SSX2IP: variants seen among roughly 807,000 people sequenced by gnomAD.
SSX2IP encodes afadin- and alpha-actinin-binding protein.
A neutral mutation model predicts 84.9 loss-of-function variants in SSX2IP; 55 were observed. That is an observed-to-expected ratio of 0.65 (90% CI 0.52 to 0.81). The LOEUF (loss-of-function observed/expected upper bound fraction) is 0.81. Ranked by LOEUF, SSX2IP falls within the 30% of genes least tolerant of loss-of-function variation. The pLI is 0.00. For synonymous variants in SSX2IP, 239 were observed against 234.7 expected (o/e 1.02, Z -0.17); for missense variants, 664 against 705.2 (o/e 0.94, Z 0.66).
In SSX2IP at chr1:84,649,926, C is replaced by T. The variant is rs1001676471; in HGVS notation, c.1670+436G>A. 3 of 539,682 alleles carry T rather than the reference C, an allele frequency of 5.6e-6. No individual in the cohort carries two copies. In the African/African-American group the frequency reaches 5.7e-5, roughly 10 times the overall value. The allele number at this position is 539,682 out of a possible 1,614,324, so 33.4% of individuals were successfully genotyped here. On this transcript the variant is annotated intron_variant, in intron 13 of 13. Coordinates refer to ENST00000342203, the MANE Select transcript of SSX2IP (RefSeq NM_001166293.2). ...ACAAATCTTTTTCACTCAACAGGAA[C>T]AGGCTTTTCTCAGTTCTTTGCCCTT...
At chr1:84,655,344 A>AC (rs2102235947) in intron 11 of SSX2IP, 1 of 1,098,802 alleles carries the variant, frequency 9.1e-7, no homozygotes, top group East Asian at 7.2e-5. Flanking sequence ...CATTACTGCT[A>AC]CAATTTTTGA....
intron 1 of SSX2IP, among the ~76,000 whole-genome samples, chr1:84,683,921 T>C (rs931978445): frequency 6.6e-6 from 1 of 152,134 alleles, no homozygotes; most frequent in African/African-American, 2.4e-5. Flanking sequence ...TAGAAGATTA[T>C]TAAGAAACAA....
At chr1:84,675,872 C>A (rs372879783) in intron 1 of SSX2IP, among the ~76,000 whole-genome samples, 110 of 152,256 alleles carry the variant, frequency 7.2e-4, no homozygotes, top group African/African-American at 2.5e-3. Context: ...GAAGCCCCTG[C>A]CCCCCTTTCC....
Position 84,647,503 on chromosome 1 carries a change from T to C in SSX2IP, c.1775A>G (p.Gln592Arg). 1 of 1,613,350 alleles carries C rather than the reference T, an allele frequency of 6.2e-7. No homozygotes were observed. The highest frequency in any genetic ancestry group is 8.5e-7 in the Non-Finnish European group (1 of 1,179,546). The change falls in exon 14 of 14, where the codon CAG (glutamine) becomes CGG (arginine). Residue 592 changes from glutamine (Q) to arginine (R), a missense_variant. By Grantham distance (43) the Gln-to-Arg change is conservative. Coordinates refer to ENST00000342203, the MANE Select transcript of SSX2IP (RefSeq NM_001166293.2). Reference sequence around the variant, plus strand: ...GGAGCATCCACTATAGCAACCTTCCTGTGATCCAGGTCTTGATGCCACACT... The same window carrying C: ...GGAGCATCCACTATAGCAACCTTCCCGTGATCCAGGTCTTGATGCCACACT... Reference protein sequence around the residue: ...KWSVASRPGSQEGCYSGCSLS... With the variant: ...KWSVASRPGSREGCYSGCSLS...
intron 1 of SSX2IP, among the ~76,000 whole-genome samples, chr1:84,689,762 C>A (rs1237569691): frequency 2.6e-5 from 4 of 152,164 alleles, no homozygotes; most frequent in African/African-American, 9.7e-5. Flanking sequence ...AAATTCTAAA[C>A]CAAAGTATTT....
At position 84,677,186 on chromosome 1, in the gene SSX2IP, T is replaced by C. The variant is rs534560330; in HGVS notation, c.-89-5878A>G. On this transcript the variant is annotated intron_variant, in intron 1 of 13. Transcript: ENST00000342203. Reference sequence around the variant, plus strand: ...ACTTAAAATGAGTCCATTCAGAGCATACAATTCTCACTGGAACTTATATAC... The same window carrying C: ...ACTTAAAATGAGTCCATTCAGAGCACACAATTCTCACTGGAACTTATATAC... Among the ~76,000 whole-genome samples, 119 of 152,326 alleles carry C rather than the reference T, an allele frequency of 7.8e-4. 1 individual carries two copies. The highest frequency in any genetic ancestry group is 2.8e-3 in the African/African-American group (118 of 41,578).
At position 84,658,347 on chromosome 1, in the gene SSX2IP, T is replaced by C; in HGVS notation, c.1049A>G (p.Lys350Arg). ...NSIRKQWRIL[K>R]SHVEKLDNQV... ...GTTATCAAGCTTTTCTACATGACTT[T>C]TCAAAATTCTCCACTGTTTTCTGAT... Residue 350 changes from lysine to arginine, a missense_variant, in exon 9 of 14, where the codon AAA becomes AGA. Physicochemically the swap from Lys to Arg is conservative, Grantham distance 26 (BLOSUM62 2). Transcript: ENST00000342203. 6.2e-7 allele frequency: 1 copy of C among 1,614,134 alleles called. No individual in the cohort carries two copies. Among genetic ancestry groups the C allele is most frequent in the Non-Finnish European group, 8.5e-7 (1 of 1,180,014 alleles).
chr1:84,658,117 C>T (rs1651394762), intron 9 of SSX2IP: 2 of 547,704 alleles, frequency 3.7e-6, no homozygotes, highest in South Asian at 2.7e-5. Flanking sequence ...GCCTGGGTGA[C>T]CGAGCAAGGT....
At chr1:84,668,061 C>G (rs1653008254) in intron 4 of SSX2IP, among the ~76,000 whole-genome samples, 1 of 152,110 alleles carries the variant, frequency 6.6e-6, no homozygotes, top group Non-Finnish European at 1.5e-5. Context: ...GCAACTTTCC[C>G]CACTGAATAC....
chr1:84,651,866 G>C lies in SSX2IP; in HGVS notation c.1504+17C>G, dbSNP rs747753727. 4.7e-6 allele frequency: 7 copies of C among 1,496,384 alleles called. No homozygotes were observed. The highest frequency in any genetic ancestry group is 6.5e-6 in the Non-Finnish European group (7 of 1,076,966). The allele number at this position is 1,496,384 out of a possible 1,614,324, so 92.7% of individuals were successfully genotyped here. A position where few individuals can be genotyped will look rare whatever the true frequency, so the allele number is the denominator to read the frequency against. Reference sequence around the variant, plus strand: ...TTTATATGCATGTTCAAATTAAAGAGTTTATAAAGTACTCACTTCCTGAGA... The same window carrying C: ...TTTATATGCATGTTCAAATTAAAGACTTTATAAAGTACTCACTTCCTGAGA... On this transcript the variant is annotated intron_variant, in intron 12 of 13. Transcript: ENST00000342203.
At chr1:84,667,259 C>T (rs3021456) in intron 4 of SSX2IP, among the ~76,000 whole-genome samples, 12,086 of 152,128 alleles carry the variant, frequency 0.079, 716 homozygotes, top group African/African-American at 0.17. Flanking sequence ...AATCACATCG[C>T]CATCCTCAGT....
rs1165882028 is a variant in SSX2IP, at chr1:84,651,908, C to T, written c.1479G>A (p.Val493=). ...TTFDHQNSEN[V]KLFSAFSGSS... ...TTCCTGAGAAGGCACTGAAAAGTTT[C>T]ACATTTTCTGAGTTCTGGTGGTCAA... The change falls in exon 12 of 14, where the codon GTG becomes GTA. Residue 493 remains valine (V), a synonymous_variant. Coordinates refer to ENST00000342203, the MANE Select transcript of SSX2IP (RefSeq NM_001166293.2). 11 of 1,613,122 alleles carry T rather than the reference C, an allele frequency of 6.8e-6. No homozygotes were observed. The African/African-American group carries it at 1.2e-4, about 18-fold the overall frequency.
intron 1 of SSX2IP, among the ~76,000 whole-genome samples, chr1:84,678,760 C>T (rs1570712663): frequency 1.3e-5 from 2 of 152,188 alleles, no homozygotes; most frequent in East Asian, 3.8e-4. Flanking sequence ...CAACTACAAA[C>T]TGAAAGAGAG....
chr1:84,674,181 C>A (rs985868719), intron 1 of SSX2IP, among the ~76,000 whole-genome samples: 5 of 152,132 alleles, frequency 3.3e-5, no homozygotes, highest in African/African-American at 1.2e-4. Context: ...AAGCATACCT[C>A]CTAAGTTTCC....
intron 1 of SSX2IP, among the ~76,000 whole-genome samples, chr1:84,688,076 C>T (rs544699185): frequency 6.6e-6 from 1 of 152,304 alleles, no homozygotes; most frequent in African/African-American, 2.4e-5. Flanking sequence ...AGGCAAGTAG[C>T]AGCTTACTAA....
At chr1:84,651,347 G>A (rs918183534) in intron 12 of SSX2IP, among the ~76,000 whole-genome samples, 39 of 151,802 alleles carry the variant, frequency 2.6e-4, no homozygotes, top group African/African-American at 9.0e-4. Flanking sequence ...CAAAAACTTC[G>A]CATTATTACA....
chr1:84,655,744 A>T, intron 11 of SSX2IP, 88 bp downstream of exon 11: 2 of 1,475,684 alleles, frequency 1.4e-6, no homozygotes, highest in Non-Finnish European at 1.8e-6. Flanking sequence ...ATAAGTAAAT[A>T]GCAAGAAAAA....
In SSX2IP at chr1:84,669,711, G is replaced by A. The variant is rs1488836633; in HGVS notation, c.396C>T (p.Asp132=). 2 of 1,613,710 alleles carry A rather than the reference G, an allele frequency of 1.2e-6. No individual in the cohort carries two copies. Among genetic ancestry groups the A allele is most frequent in the Admixed American group, 3.3e-5 (2 of 59,986 alleles). The change falls in exon 4 of 14, where the codon GAC becomes GAT. Residue 132 remains aspartate, a synonymous_variant. Transcript: ENST00000342203. ...TQNLKLGSDM[D]HLQSCYSKLK... is the part of the protein sequence containing the mutation. ...GTTTTGAGTAGCAGCTCTGTAGATGGTCCATATCACTTCCCAGCTTCAAAT... is the reference window on the plus strand; with the variant it reads ...GTTTTGAGTAGCAGCTCTGTAGATGATCCATATCACTTCCCAGCTTCAAAT...
intron 8 of SSX2IP, among the ~76,000 whole-genome samples, chr1:84,658,814 G>A (rs957768224): frequency 2.2e-4 from 34 of 152,210 alleles, no homozygotes; most frequent in Admixed American, 1.7e-3. Flanking sequence ...TAGAGAAGCA[G>A]CATTACAACT....
Sources: gnomAD v4.1 joint callset for allele counts (sites outside exome capture counted in the v4.1 genomes callset) on GRCh38, gnomAD v4.1.1 for gene constraint, MANE v1.5 for transcripts, NCBI Gene and HGNC (gene_info 2026-07-23, HGNC 2026-07-21) for gene names.